CDX2: variants seen among roughly 807,000 people sequenced by gnomAD.
The protein encoded by CDX2 is homeobox protein CDX-2.
CDX2 carries 7 observed loss-of-function variants against 25.5 expected under a neutral mutation model. The observed-to-expected ratio is 0.27, with a 90% confidence interval of 0.16 to 0.52. CDX2 has a LOEUF of 0.52. Ranked by LOEUF, CDX2 falls within the 20% of genes least tolerant of loss-of-function variation. The pLI is 0.97. For missense variants in CDX2, 375 were observed against 431.4 expected (o/e 0.87, Z 1.16); for synonymous variants, 222 against 198.6 (o/e 1.12, Z -0.99).
Position 27,961,196 on chromosome 13 carries a change from C to A in CDX2, c.*1919G>T, listed in dbSNP as rs1869028854. On this transcript the variant is annotated 3_prime_UTR_variant, in exon 3 of 3. Transcript: ENST00000381020. ...CCCGCGGGCCGGGCCACCGGAGCCC[C>A]TTTCCCAATCCTGGAGCTGTATACG... is the stretch of plus-strand genomic sequence containing the variant. Among the ~76,000 whole-genome samples the A allele has an allele frequency of 6.6e-6, 1 of 152,230 alleles. No individual in the cohort carries two copies. Among genetic ancestry groups the A allele is most frequent in the Non-Finnish European group, 1.5e-5 (1 of 68,034 alleles).
At chr13:27,967,848 C>A (rs1280702375) in intron 1 of CDX2, among the ~76,000 whole-genome samples, 5 of 152,270 alleles carry the variant, frequency 3.3e-5, no homozygotes, top group African/African-American at 1.2e-4. Context: ...GGCGCGCCCC[C>A]GTCGCCTTAG....
At chr13:27,968,391 G>A in intron 1 of CDX2, 75 bp downstream of exon 1, 1 of 1,376,790 alleles carries the variant, frequency 7.3e-7, no homozygotes, top group Non-Finnish European at 9.3e-7. Flanking sequence ...CGCACTGGAC[G>A]CGCGACGCGC....
rs1869075943 is a variant in CDX2 at position 27,962,054 on chromosome 13, A to G, written c.*1061T>C. On this transcript the variant is annotated 3_prime_UTR_variant, in exon 3 of 3. Transcript: ENST00000381020. Reference sequence around the variant, plus strand: ...ACTCCCTCTCTGAATTTTCCAAATCAGCTTGCAAGCAGAGAAGATATTTCA... The same window carrying G: ...ACTCCCTCTCTGAATTTTCCAAATCGGCTTGCAAGCAGAGAAGATATTTCA... The G allele has an allele frequency of 4.3e-6, 1 of 229,938 alleles. No homozygotes were observed. The highest frequency in any genetic ancestry group is 8.6e-6 in the Non-Finnish European group (1 of 115,974). The allele number at this position is 229,938 out of a possible 1,614,324, so 14.2% of individuals were successfully genotyped here.
intron 1 of CDX2, among the ~76,000 whole-genome samples, chr13:27,968,144 T>A (rs1039545993): frequency 2.6e-5 from 4 of 152,240 alleles, no homozygotes; most frequent in Admixed American, 6.5e-5. Flanking sequence ...GACGCGATTC[T>A]GCCGGCGTCC....
rs1310814370 is a variant in CDX2, at chr13:27,969,044, C to T, written c.-38G>A. 1.3e-6 allele frequency: 2 copies of T among 1,524,474 alleles called. No individual in the cohort carries two copies. Among genetic ancestry groups the T allele is most frequent in the Admixed American group, 1.7e-5 (1 of 57,360 alleles). 94.4% of individuals were successfully genotyped at this position (1,524,474 alleles called of 1,614,324 possible). A position where few individuals can be genotyped will look rare whatever the true frequency, so the allele number is the denominator to read the frequency against. Reference sequence around the variant, plus strand: ...CCGGGAGCAGACCTCACCATGCTGCCTGGGGACCGACGCTGGAGGCTGCCG... The same window carrying T: ...CCGGGAGCAGACCTCACCATGCTGCTTGGGGACCGACGCTGGAGGCTGCCG... On this transcript the variant is annotated 5_prime_UTR_variant, in exon 1 of 3. Coordinates refer to ENST00000381020, the MANE Select transcript of CDX2 (RefSeq NM_001265.6).
In CDX2 at chr13:27,969,059, G is replaced by A. The variant is rs1955134380; in HGVS notation, c.-53C>T. ...ACCATGCTGCCTGGGGACCGACGCT[G>A]GAGGCTGCCGGGGGGCACGAAGGGA... On this transcript the variant is annotated 5_prime_UTR_variant, in exon 1 of 3. Transcript: ENST00000381020. 1 of 1,424,420 alleles carries A rather than the reference G, an allele frequency of 7.0e-7. No individual in the cohort carries two copies. The highest frequency in any genetic ancestry group is 9.6e-7 in the Non-Finnish European group (1 of 1,041,462). The allele number at this position is 1,424,420 out of a possible 1,614,324, so 88.2% of individuals were successfully genotyped here.
chr13:27,965,254 A>C (rs1302772896), intron 1 of CDX2, among the ~76,000 whole-genome samples: 2 of 152,174 alleles, frequency 1.3e-5, no homozygotes, highest in African/African-American at 4.8e-5. Context: ...AAAATTAAGG[A>C]AAGTGAAAAC....
chr13:27,963,721 A>C (rs1869182826), intron 2 of CDX2, among the ~76,000 whole-genome samples: 2 of 152,184 alleles, frequency 1.3e-5, no homozygotes, highest in Non-Finnish European at 2.9e-5. Flanking sequence ...GTATACTTCA[A>C]ATGGCAACCT....
chr13:27,968,423 C>T, intron 1 of CDX2, 43 bp downstream of exon 1: 2 of 1,444,624 alleles, frequency 1.4e-6, no homozygotes, highest in Non-Finnish European at 1.8e-6. Context: ...GCTCGACCCG[C>T]GCCTTCCCAA....
intron 1 of CDX2, 131 bp downstream of exon 1, chr13:27,968,335 G>GC: frequency 8.8e-7 from 1 of 1,141,532 alleles, no homozygotes; most frequent in East Asian, 3.2e-5. Flanking sequence ...TCCGGGCCGT[G>GC]CCCCTCCTGG....
rs1869032063 is a variant in CDX2 at position 27,961,263 on chromosome 13, G to A, written c.*1852C>T. On this transcript the variant is annotated 3_prime_UTR_variant, in exon 3 of 3. Coordinates refer to ENST00000381020, the MANE Select transcript of CDX2 (RefSeq NM_001265.6). ...CGGAATTGGAGAGGTGCTGCAGAGGGTCTATACCTCTTGCTGTTTCCCGGC... is the reference window on the plus strand; with the variant it reads ...CGGAATTGGAGAGGTGCTGCAGAGGATCTATACCTCTTGCTGTTTCCCGGC... Among the ~76,000 whole-genome samples, 1 of 152,250 alleles carries A rather than the reference G, an allele frequency of 6.6e-6. No homozygotes were observed. The highest frequency in any genetic ancestry group is 2.1e-4 in the South Asian group (1 of 4,832).
chr13:27,965,913 T>C (rs569519911), intron 1 of CDX2, among the ~76,000 whole-genome samples: 1 of 152,214 alleles, frequency 6.6e-6, no homozygotes, highest in South Asian at 2.1e-4. Flanking sequence ...CACTTTTGGG[T>C]CTTCTTGCAG....
chr13:27,965,610 C>T (rs941585649), intron 1 of CDX2, among the ~76,000 whole-genome samples: 2 of 152,228 alleles, frequency 1.3e-5, no homozygotes, highest in African/African-American at 2.4e-5. Flanking sequence ...AAAACCCCTC[C>T]TGCTGGGGAC....
Position 27,964,892 on chromosome 13 carries a change from G to T in CDX2, c.665C>A (p.Thr222Lys). 1 of 1,614,038 alleles carries T rather than the reference G, an allele frequency of 6.2e-7. No homozygotes were observed. The highest frequency in any genetic ancestry group is 8.5e-7 in the Non-Finnish European group (1 of 1,179,990). Residue 222 changes from threonine (T) to lysine (K), a missense_variant, in exon 2 of 3, where the codon ACG (threonine) becomes AAG (lysine). Physicochemically the swap from Thr to Lys is moderately conservative, Grantham distance 78. This residue lies in a region of CDX2 where 64 missense variants were observed against 124.6 expected (regional missense o/e 0.51). Transcript: ENST00000381020. The surrounding 1 kb of genome is among the most constrained non-coding windows in gnomAD (Gnocchi z 4.7). ...TIRRKAELAA[T>K]LGLSERQVKI... is the part of the protein sequence containing the mutation. ...CACCTGCCTCTCAGAGAGCCCCAGC[G>T]TGGCGGCTAGCTCGGCTTTCCTCCG...
chr13:27,966,615 T>A (rs899018044), intron 1 of CDX2, among the ~76,000 whole-genome samples: 1 of 152,086 alleles, frequency 6.6e-6, no homozygotes, highest in Non-Finnish European at 1.5e-5. Context: ...TGCTGCCCCT[T>A]CAGTGTCCCG....
rs1164981418 is a variant in CDX2, at chr13:27,961,870, G to A, written c.*1245C>T. Among the ~76,000 whole-genome samples, 1 of 151,522 alleles carries A rather than the reference G, an allele frequency of 6.6e-6. No individual in the cohort carries two copies. Among genetic ancestry groups the A allele is most frequent in the Admixed American group, 6.6e-5 (1 of 15,242 alleles). On this transcript the variant is annotated 3_prime_UTR_variant, in exon 3 of 3. Coordinates refer to ENST00000381020, the MANE Select transcript of CDX2 (RefSeq NM_001265.6). Reference sequence around the variant, plus strand: ...CCCCATAATTTCTGACTGCTGGGAAGCACCTGGCCATTCAGATGTGCATTT... The same window carrying A: ...CCCCATAATTTCTGACTGCTGGGAAACACCTGGCCATTCAGATGTGCATTT...
Position 27,968,658 on chromosome 13 carries a change from G to A in CDX2, c.349C>T (p.His117Tyr), listed in dbSNP as rs1359855388. 1 of 1,533,626 alleles carries A rather than the reference G, an allele frequency of 6.5e-7. No individual in the cohort carries two copies. Among genetic ancestry groups the A allele is most frequent in the Non-Finnish European group, 8.7e-7 (1 of 1,144,680 alleles). Residue 117 changes from histidine to tyrosine, a missense_variant, in exon 1 of 3, where the codon CAC (histidine) becomes TAC (tyrosine). By Grantham distance (83) the His-to-Tyr change is moderately conservative. Around this residue, in one of 3 missense-constraint regions of CDX2, gnomAD observed 253 missense variants for 247.5 expected, o/e 1.02. Coordinates refer to ENST00000381020, the MANE Select transcript of CDX2 (RefSeq NM_001265.6). The stretch of plus-strand genomic sequence containing the variant: ...TGGTGCGGGTGGTGATGCGGGTGGT[G>A]GTGCGGATGGTAGTCTGCGGGGCTG... Reference protein sequence around the residue: ...YSSPADYHPHHHPHHHPHHPA... With the variant: ...YSSPADYHPHYHPHHHPHHPA...
At chr13:27,966,571 G>T (rs1332140566) in intron 1 of CDX2, among the ~76,000 whole-genome samples, 1 of 152,152 alleles carries the variant, frequency 6.6e-6, no homozygotes, top group Non-Finnish European at 1.5e-5. Flanking sequence ...AGGGAGACTC[G>T]CCTGGAAGTG....
chr13:27,963,092 C>A lies in CDX2; in HGVS notation c.*23G>T. On this transcript the variant is annotated 3_prime_UTR_variant, in exon 3 of 3. Coordinates refer to ENST00000381020, the MANE Select transcript of CDX2 (RefSeq NM_001265.6). ...CCTCATGGCTCAGCCTGGAATTGCT[C>A]TGCCGCTGCAGAACCCGGTGGGTCA... 2 of 1,597,714 alleles carry A rather than the reference C, an allele frequency of 1.3e-6. No individual in the cohort carries two copies. Among genetic ancestry groups the A allele is most frequent in the South Asian group, 1.1e-5 (1 of 88,852 alleles).
Sources: gnomAD v4.1 joint callset for allele counts (sites outside exome capture counted in the v4.1 genomes callset) on GRCh38, gnomAD v4.1.1 for gene constraint, gnomAD v4.1.1 regional missense constraint, Gnocchi (gnomAD v3.1) non-coding constraint, MANE v1.5 for transcripts, NCBI Gene and HGNC (gene_info 2026-07-23, HGNC 2026-07-21) for gene names.